The following SLC35D1 variants were observed in gnomAD, a reference collection of about 807,000 sequenced individuals.
SLC35D1 encodes nucleotide sugar transporter SLC35D1.
Under a neutral mutation model 46.7 loss-of-function variants are expected in SLC35D1, and 31 were observed. The ratio of observed to expected loss-of-function variants is 0.66; its 90% CI spans 0.50 to 0.90. The LOEUF (loss-of-function observed/expected upper bound fraction) is 0.90, where lower values mean the gene tolerates loss of function less well. SLC35D1 is among the 40% of genes least tolerant of loss of function. The pLI is 0.00. For synonymous variants in SLC35D1, 195 were observed against 164.6 expected (o/e 1.18, Z -1.41); for missense variants, 397 against 426.2 (o/e 0.93, Z 0.60).
chr1:66,989,574 C>T, the SLC35D1 span, among the ~76,000 whole-genome samples: 34 of 152,184 alleles, frequency 2.2e-4, no homozygotes, highest in African/African-American at 8.0e-4. Flanking sequence ...GGTAATCCTC[C>T]CACCTCAGCC....
chr1:67,018,864 A>G (rs1331254381), intron 10 of SLC35D1, among the ~76,000 whole-genome samples: 1 of 152,234 alleles, frequency 6.6e-6, no homozygotes, highest in Non-Finnish European at 1.5e-5. Flanking sequence ...GTATCAGCAG[A>G]TTCCCATCTG....
At chr1:66,993,475 T>C in the SLC35D1 span, among the ~76,000 whole-genome samples, 1 of 152,180 alleles carries the variant, frequency 6.6e-6, no homozygotes, top group Non-Finnish European at 1.5e-5. Context: ...TGGGACTGAA[T>C]TTCCCGGTAG....
At chr1:67,019,989 T>A (rs970621964) in intron 10 of SLC35D1, among the ~76,000 whole-genome samples, 4 of 152,086 alleles carry the variant, frequency 2.6e-5, no homozygotes, top group Non-Finnish European at 5.9e-5. Flanking sequence ...CTGGCCAGCA[T>A]ACTTTCCCTA....
At chr1:67,032,214 A>G in intron 8 of SLC35D1, 1 of 372,238 alleles carries the variant, frequency 2.7e-6, no homozygotes, top group Non-Finnish European at 3.7e-6. Context: ...CCAGGAGTGA[A>G]AACAATGTCC....
intron 11 of SLC35D1, among the ~76,000 whole-genome samples, chr1:67,006,861 C>T (rs1433881911): frequency 6.6e-6 from 1 of 152,088 alleles, no homozygotes; most frequent in Non-Finnish European, 1.5e-5. Context: ...TGAAATGTTC[C>T]AAAGAACATT....
chr1:66,998,167 C>T (rs1386488939), downstream of SLC35D1, among the ~76,000 whole-genome samples: 2 of 152,076 alleles, frequency 1.3e-5, no homozygotes, highest in African/African-American at 4.8e-5. Flanking sequence ...AGCAATTTCA[C>T]TTCTGAGTAT....
chr1:66,991,190 C>A, the SLC35D1 span, among the ~76,000 whole-genome samples: 2 of 152,298 alleles, frequency 1.3e-5, no homozygotes, highest in African/African-American at 4.8e-5. Context: ...AGCTCCGACT[C>A]TAGGATTTTT....
At chr1:67,052,641 C>T in intron 3 of SLC35D1, 130 bp downstream of exon 3, 1 of 823,812 alleles carries the variant, frequency 1.2e-6, no homozygotes, top group Non-Finnish European at 2.0e-6. Flanking sequence ...TTATTCTTTA[C>T]ATTCATTATA....
intron 10 of SLC35D1, among the ~76,000 whole-genome samples, chr1:67,014,575 A>C (rs958433028): frequency 2.6e-5 from 4 of 151,982 alleles, no homozygotes; most frequent in African/African-American, 9.7e-5. Context: ...AATAGGCCCA[A>C]ATAATTTTCA....
At chr1:67,045,612 T>A (rs981375231) in intron 7 of SLC35D1, among the ~76,000 whole-genome samples, 1 of 152,200 alleles carries the variant, frequency 6.6e-6, no homozygotes, top group African/African-American at 2.4e-5. Context: ...AGTGAGAAAC[T>A]GAAGGGCTCT....
intron 8 of SLC35D1, among the ~76,000 whole-genome samples, chr1:67,021,919 T>C (rs1667815923): frequency 6.6e-6 from 1 of 152,222 alleles, no homozygotes; most frequent in Non-Finnish European, 1.5e-5. Context: ...GAAACTGGTA[T>C]TTCCTTGAAG....
chr1:66,991,313 T>TGGG, the SLC35D1 span, among the ~76,000 whole-genome samples: 1 of 152,166 alleles, frequency 6.6e-6, no homozygotes, highest in Non-Finnish European at 1.5e-5. Context: ...CCTGTTGATT[T>TGGG]GGGGGAGGCT....
chr1:67,052,903 C>T, intron 2 of SLC35D1, 46 bp from the exon 3 acceptor site: 1 of 1,614,012 alleles, frequency 6.2e-7, no homozygotes, highest in Non-Finnish European at 8.5e-7. Context: ...CATAAAGACA[C>T]ACACAGAAGT....
At chr1:67,029,938 T>G (rs112812769) in intron 8 of SLC35D1, among the ~76,000 whole-genome samples, 1 of 152,172 alleles carries the variant, frequency 6.6e-6, no homozygotes, top group African/African-American at 2.4e-5. Flanking sequence ...TAACAAAATA[T>G]ATAATTTTAA....
intron 10 of SLC35D1, among the ~76,000 whole-genome samples, chr1:67,019,336 T>C (rs1415601095): frequency 6.6e-6 from 1 of 152,192 alleles, no homozygotes. Flanking sequence ...GGCCTAAAAC[T>C]GTCTCAGCCA....
At chr1:67,017,847 TG>T (rs1327264088) in intron 10 of SLC35D1, among the ~76,000 whole-genome samples, 1 of 152,190 alleles carries the variant, frequency 6.6e-6, no homozygotes, top group Non-Finnish European at 1.5e-5. Context: ...AAAAAAGATA[TG>T]GGGCAATACA....
At chr1:67,040,972 G>C (rs182896702) in intron 8 of SLC35D1, among the ~76,000 whole-genome samples, 2 of 152,138 alleles carry the variant, frequency 1.3e-5, no homozygotes, top group Admixed American at 6.5e-5. Context: ...AGTCAGGCTT[G>C]GGTTTAAATC....
chr1:66,973,040 C>T, the SLC35D1 span: 1 of 942,978 alleles, frequency 1.1e-6, no homozygotes, highest in African/African-American at 1.6e-5. Context: ...AGTTGAACAA[C>T]TCAAATGGTC....
rs1171311147 is a variant in SLC35D1 at position 67,003,775 on chromosome 1, T to C, written c.*565A>G. On this transcript the variant is annotated 3_prime_UTR_variant, in exon 12 of 12. Coordinates refer to ENST00000235345, the MANE Select transcript of SLC35D1 (RefSeq NM_015139.3). ...CCTATGAAAGTCAGGGAAGCCAACA[T>C]AGATAGCAATACACTTCAAAGCCCC... 1 of 158,594 alleles carries C rather than the reference T, an allele frequency of 6.3e-6. No homozygotes were observed. 9.8% of individuals were successfully genotyped at this position (158,594 alleles called of 1,614,324 possible).
Sources: gnomAD v4.1 joint callset for allele counts (sites outside exome capture counted in the v4.1 genomes callset) on GRCh38, gnomAD v4.1.1 for gene constraint, MANE v1.5 for transcripts, NCBI Gene and HGNC (gene_info 2026-07-23, HGNC 2026-07-21) for gene names.